Variants in FBXL17 observed in about 807,000 individuals in gnomAD.
FBXL17 encodes F-box and leucine rich repeat protein 17, also known as F-box/LRR-repeat protein 17.
A neutral mutation model predicts 66.2 loss-of-function variants in FBXL17; 22 were observed. That is an observed-to-expected ratio of 0.33 (90% CI 0.24 to 0.47). The LOEUF is 0.47. Ranked by LOEUF, FBXL17 falls within the 20% of genes least tolerant of loss-of-function variation. The probability of loss-of-function intolerance (pLI) is 1.00; values close to 1 mark genes in which losing one functional copy is unlikely to be tolerated. For synonymous variants in FBXL17, 474 were observed against 400.5 expected, an observed-to-expected ratio of 1.18 and a Z score of -2.19; for missense variants, 878 against 948.2, an observed-to-expected ratio of 0.93 and a Z score of 0.97.
intron 6 of FBXL17, among the ~76,000 whole-genome samples, chr5:108,146,713 C>T (rs1189579938): frequency 1.3e-5 from 2 of 152,152 alleles, no homozygotes; most frequent in African/African-American, 4.8e-5. Context: ...AAACTATCTC[C>T]ACACAGAGGA....
At chr5:108,298,419 T>C (rs907832464) in intron 4 of FBXL17, 15 of 978,106 alleles carry the variant, frequency 1.5e-5, no homozygotes, top group African/African-American at 1.8e-5. Context: ...AAGACAATCA[T>C]AGATTTAAAC....
At chr5:107,864,688 C>T (rs1297450268) in intron 8 of FBXL17, among the ~76,000 whole-genome samples, 1 of 152,162 alleles carries the variant, frequency 6.6e-6, no homozygotes, top group Non-Finnish European at 1.5e-5. Flanking sequence ...CTCTTGCTCC[C>T]AGCCTCACCA....
At chr5:108,280,894 T>C (rs1440681779) in intron 4 of FBXL17, among the ~76,000 whole-genome samples, 1 of 151,556 alleles carries the variant, frequency 6.6e-6, no homozygotes, top group Admixed American at 6.6e-5. Flanking sequence ...AAAACAGACA[T>C]TAAGTTAAAA....
chr5:108,065,183 G>A (rs1748072430), intron 6 of FBXL17, among the ~76,000 whole-genome samples: 1 of 152,012 alleles, frequency 6.6e-6, no homozygotes, highest in African/African-American at 2.4e-5. Flanking sequence ...GGTATGATAT[G>A]TACATATGTA....
At chr5:108,302,133 A>G in intron 4 of FBXL17, 1 of 383,518 alleles carries the variant, frequency 2.6e-6, no homozygotes, top group Non-Finnish European at 3.6e-6. Context: ...GAAAATACAT[A>G]TGTCATCCAA....
At chr5:108,031,678 A>T (rs1200106731) in intron 6 of FBXL17, among the ~76,000 whole-genome samples, 1 of 152,166 alleles carries the variant, frequency 6.6e-6, no homozygotes, top group Non-Finnish European at 1.5e-5. Context: ...CTCAAAAAAA[A>T]GTTTTAAAAA....
Position 108,031,505 on chromosome 5 carries a change from A to G in FBXL17, c.1746-10504T>C, listed in dbSNP as rs144702090. Among the ~76,000 whole-genome samples, 570 of 152,142 alleles carry G rather than the reference A, an allele frequency of 3.7e-3. 2 individuals are homozygous for G. The highest frequency in any genetic ancestry group is 0.013 in the African/African-American group (549 of 41,480). ...ATGCATAATATCATAGGAGTTAAAA[A>G]AATCAGATGTTCAAAAGAAGCTACA... is the stretch of plus-strand genomic sequence containing the variant. On this transcript the variant is annotated intron_variant, in intron 6 of 8. Transcript: ENST00000542267.
intron 6 of FBXL17, among the ~76,000 whole-genome samples, chr5:108,072,552 A>G (rs529884585): frequency 9.2e-5 from 14 of 152,052 alleles, no homozygotes; most frequent in Non-Finnish European, 1.3e-4. Flanking sequence ...AAATATTTTT[A>G]AAAAAATTAG....
intron 4 of FBXL17, among the ~76,000 whole-genome samples, chr5:108,343,183 A>C (rs1276072250): frequency 6.6e-6 from 1 of 152,218 alleles, no homozygotes; most frequent in Non-Finnish European, 1.5e-5. Context: ...TGTTGTTTGT[A>C]AGTTATCCAG....
intron 7 of FBXL17, among the ~76,000 whole-genome samples, chr5:107,943,286 G>A (rs1396637261): frequency 2.6e-5 from 4 of 152,044 alleles, no homozygotes; most frequent in African/African-American, 9.7e-5. Context: ...AATACATCCT[G>A]TTTTCTTAGC....
intron 7 of FBXL17, among the ~76,000 whole-genome samples, chr5:107,966,022 T>C (rs752964084): frequency 6.6e-6 from 1 of 152,098 alleles, no homozygotes; most frequent in Non-Finnish European, 1.5e-5. Context: ...CTCTTAGAAA[T>C]TTTCCCTGAT....
intron 4 of FBXL17, among the ~76,000 whole-genome samples, chr5:108,345,558 G>C (rs1386784552): frequency 6.7e-6 from 1 of 149,278 alleles, no homozygotes; most frequent in African/African-American, 2.5e-5. Context: ...AAAATGGTAA[G>C]TTCATCCTGT....
intron 4 of FBXL17, 62 bp from the exon 5 acceptor site, chr5:108,224,290 C>G: frequency 9.8e-6 from 9 of 920,808 alleles, no homozygotes; most frequent in Non-Finnish European, 1.4e-5. Flanking sequence ...AAGGATTTGG[C>G]TCCTGAAAAT....
intron 7 of FBXL17, among the ~76,000 whole-genome samples, chr5:107,917,295 C>A (rs1357558197): frequency 1.3e-5 from 2 of 152,030 alleles, no homozygotes; most frequent in Non-Finnish European, 2.9e-5. Context: ...GGTAAAACCA[C>A]AGCTGAAAAT....
chr5:108,099,102 A>C (rs1462307747), intron 6 of FBXL17, among the ~76,000 whole-genome samples: 3 of 152,336 alleles, frequency 2.0e-5, no homozygotes, highest in Admixed American at 1.3e-4. Context: ...TAATGGCCTC[A>C]TTAGAGTAAA....
chr5:108,005,747 T>C (rs534616440), intron 7 of FBXL17, among the ~76,000 whole-genome samples: 1 of 152,252 alleles, frequency 6.6e-6, no homozygotes, highest in Non-Finnish European at 1.5e-5. Flanking sequence ...TTCGATTACC[T>C]GAATGCAATC....
chr5:108,371,575 CCAGA>C (rs1313213756), intron 1 of FBXL17, among the ~76,000 whole-genome samples: 1 of 152,070 alleles, frequency 6.6e-6, no homozygotes, highest in Non-Finnish European at 1.5e-5. Flanking sequence ...ATGAGAAAAC[CCAGA>C]CATTGGACTT....
At position 108,362,810 on chromosome 5, in the gene FBXL17, A is replaced by G. The variant is rs190891268; in HGVS notation, c.1374+1928T>C. Among the ~76,000 whole-genome samples the G allele has an allele frequency of 3.9e-5, 6 of 152,244 alleles. No individual in the cohort carries two copies. The East Asian group carries it at 1.2e-3, about 29-fold the overall frequency. On this transcript the variant is annotated intron_variant, in intron 3 of 8. Coordinates refer to ENST00000542267, the MANE Select transcript of FBXL17 (RefSeq NM_001163315.3). The stretch of plus-strand genomic sequence containing the variant: ...CACATATTTGGTATCCGCTAAAGTC[A>G]ATCAAAATTATAGCAGTTATAAAGA...
At chr5:108,182,678 T>C (rs1379180094) in intron 6 of FBXL17, among the ~76,000 whole-genome samples, 1 of 152,090 alleles carries the variant, frequency 6.6e-6, no homozygotes, top group Non-Finnish European at 1.5e-5. Flanking sequence ...AAACACCAAA[T>C]AACCATTAGT....
Sources: allele counts gnomAD v4.1 joint callset (sites outside exome capture counted in the v4.1 genomes callset), GRCh38; gene constraint gnomAD v4.1.1; transcripts MANE v1.5; gene names NCBI Gene and HGNC (gene_info 2026-07-23, HGNC 2026-07-21).